WRN: variants seen among roughly 807,000 people sequenced by gnomAD.
The protein encoded by WRN is WRN RecQ like helicase.
Under a neutral mutation model 180.7 loss-of-function variants are expected in WRN, and 149 were observed. The ratio of observed to expected loss-of-function variants is 0.82; its 90% CI spans 0.72 to 0.94. WRN has a LOEUF of 0.94. WRN is among the 40% of genes least tolerant of loss of function. The probability of loss-of-function intolerance (pLI) is 0.00; values close to 1 mark genes in which losing one functional copy is unlikely to be tolerated. For synonymous variants in WRN, 548 were observed against 568.9 expected (o/e 0.96, Z 0.52); for missense variants, 1,661 against 1,700.1 (o/e 0.98, Z 0.40).
intron 24 of WRN, among the ~76,000 whole-genome samples, chr8:31,136,194 T>C (rs1360145346): frequency 6.6e-6 from 1 of 152,172 alleles, no homozygotes; most frequent in African/African-American, 2.4e-5. Flanking sequence ...GGTCTCCCTA[T>C]GTTTCCCAGG....
At chr8:31,063,107 G>A (rs1033743286) in intron 3 of WRN, among the ~76,000 whole-genome samples, 8 of 151,988 alleles carry the variant, frequency 5.3e-5, no homozygotes, top group Non-Finnish European at 1.0e-4. Flanking sequence ...TAAAGCACTG[G>A]GATTACAGGT....
intron 31 of WRN, among the ~76,000 whole-genome samples, chr8:31,151,817 C>G (rs1170613989): frequency 6.6e-6 from 1 of 151,502 alleles, no homozygotes; most frequent in Non-Finnish European, 1.5e-5. Flanking sequence ...GGTTATTCTG[C>G]AAATTGAAAT....
At chr8:31,075,012 A>G (rs1047850194) in intron 7 of WRN, among the ~76,000 whole-genome samples, 1 of 152,158 alleles carries the variant, frequency 6.6e-6, no homozygotes, top group African/African-American at 2.4e-5. Context: ...GGTCAACGGT[A>G]TGACTATGGA....
chr8:31,087,929 T>C lies in WRN; in HGVS notation c.1576+9T>C, dbSNP rs1372160544. The stretch of plus-strand genomic sequence containing the variant: ...AGAAGATGATGATAAGGGTAAGCAC[T>C]GAAGTATGTTTGAAATGACTCACCT... On this transcript the variant is annotated intron_variant, in intron 12 of 34. Transcript: ENST00000298139. 1 of 1,611,726 alleles carries C rather than the reference T, an allele frequency of 6.2e-7. No homozygotes were observed. The highest frequency in any genetic ancestry group is 8.5e-7 in the Non-Finnish European group (1 of 1,178,720).
At chr8:31,146,058 A>C (rs1802845876) in intron 28 of WRN, among the ~76,000 whole-genome samples, 1 of 151,800 alleles carries the variant, frequency 6.6e-6, no homozygotes, top group South Asian at 2.1e-4. Context: ...ACCAGCCCAC[A>C]CTCTTCCCAA....
At chr8:31,089,731 A>C (rs1813669413) in intron 13 of WRN, among the ~76,000 whole-genome samples, 1 of 151,954 alleles carries the variant, frequency 6.6e-6, no homozygotes, top group African/African-American at 2.4e-5. Context: ...ATGATATTTT[A>C]TTAAGAAAAT....
At position 31,141,609 on chromosome 8, in the gene WRN, T is replaced by A. The variant is rs1334966654; in HGVS notation, c.3138+9T>A. On this transcript the variant is annotated intron_variant, in intron 25 of 34. Transcript: ENST00000298139. ...GCGCCCTTACGAAAAAGGTAAACGG[T>A]GTAGGAGTCTGCCTGTTTGACTTAA... The A allele has an allele frequency of 6.2e-7, 1 of 1,614,034 alleles. No individual in the cohort carries two copies. The highest frequency in any genetic ancestry group is 8.5e-7 in the Non-Finnish European group (1 of 1,179,982).
chr8:31,140,185 C>G (rs555516883), intron 24 of WRN, among the ~76,000 whole-genome samples: 4 of 151,652 alleles, frequency 2.6e-5, no homozygotes, highest in East Asian at 1.9e-4. Flanking sequence ...CACCACCACA[C>G]TTTGCTAATT....
chr8:31,110,798 C>T (rs1239340722), intron 18 of WRN, among the ~76,000 whole-genome samples: 1 of 152,112 alleles, frequency 6.6e-6, no homozygotes, highest in African/African-American at 2.4e-5. Flanking sequence ...TTAGAAACAA[C>T]TGTAAGACAG....
chr8:31,064,482 G>A, intron 4 of WRN, 48 bp downstream of exon 4: 1 of 1,612,104 alleles, frequency 6.2e-7, no homozygotes, highest in Non-Finnish European at 8.5e-7. Context: ...ATTGTAATAT[G>A]TCAACTTTAT....
chr8:31,099,880 C>T (rs1814152908), intron 17 of WRN, among the ~76,000 whole-genome samples: 1 of 152,088 alleles, frequency 6.6e-6, no homozygotes, highest in Admixed American at 6.5e-5. Flanking sequence ...TTATTATCCA[C>T]ATTTTACTTG....
intron 21 of WRN, among the ~76,000 whole-genome samples, chr8:31,123,271 A>G (rs1585487610): frequency 2.6e-5 from 4 of 152,118 alleles, no homozygotes; most frequent in Admixed American, 2.6e-4. Flanking sequence ...AATGACCCCA[A>G]AGCACAAGAG....
At position 31,085,160 on chromosome 8, in the gene WRN, T is replaced by A. The variant is rs1813480021; in HGVS notation, c.1351-6T>A. The stretch of plus-strand genomic sequence containing the variant: ...GGAAATTAATGCTTAATACTTTTTT[T>A]TAAAGCATTTATCTCCCAATGATAA... On this transcript the variant is annotated splice_region_variant and splice_polypyrimidine_tract_variant and intron_variant, in intron 10 of 34. Coordinates refer to ENST00000298139, the MANE Select transcript of WRN (RefSeq NM_000553.6). 1.2e-6 allele frequency: 2 copies of A among 1,612,530 alleles called. No individual in the cohort carries two copies. The highest frequency in any genetic ancestry group is 2.2e-5 in the East Asian group (1 of 44,656).
At position 31,064,355 on chromosome 8, in the gene WRN, G is replaced by A. The variant is rs754221635; in HGVS notation, c.276G>A (p.Gly92=). ...AGTGGCCACCATTATACAATAGAGGGAAACTTGGCAAAGTTGCACTAATTC... is the reference window on the plus strand; with the variant it reads ...AGTGGCCACCATTATACAATAGAGGAAAACTTGGCAAAGTTGCACTAATTC... ...DMEWPPLYNR[G]KLGKVALIQL... Residue 92 remains glycine (G), a synonymous_variant, in exon 4 of 35, where the codon GGG becomes GGA. Transcript: ENST00000298139. 8.1e-6 allele frequency: 13 copies of A among 1,614,104 alleles called. No individual in the cohort carries two copies. The South Asian group carries it at 1.4e-4, about 18-fold the overall frequency.
At chr8:31,063,787 G>A (rs1459761889) in intron 3 of WRN, among the ~76,000 whole-genome samples, 4 of 152,082 alleles carry the variant, frequency 2.6e-5, no homozygotes, top group East Asian at 1.9e-4. Context: ...GCAGTGATGC[G>A]ATCATAGCTC....
At chr8:31,123,995 A>G (rs1013307460) in intron 21 of WRN, among the ~76,000 whole-genome samples, 14 of 152,176 alleles carry the variant, frequency 9.2e-5, no homozygotes, top group Admixed American at 6.6e-4. Flanking sequence ...GTGTCCCATA[A>G]TAACCCATAA....
At chr8:31,120,087 C>T in intron 20 of WRN, 156 bp from the exon 21 acceptor site, 2 of 815,596 alleles carry the variant, frequency 2.5e-6, no homozygotes, top group South Asian at 1.5e-5. Flanking sequence ...GTAAATCAGG[C>T]AGATAATCTG....
At chr8:31,120,216 T>A in intron 20 of WRN, 27 bp from the exon 21 acceptor site, 1 of 1,611,866 alleles carries the variant, frequency 6.2e-7, no homozygotes, top group Non-Finnish European at 8.5e-7. Context: ...AATATGTTTG[T>A]CAAACTGTGT....
intron 3 of WRN, among the ~76,000 whole-genome samples, chr8:31,060,069 C>G (rs1812432314): frequency 6.6e-6 from 1 of 150,466 alleles, no homozygotes; most frequent in East Asian, 2.0e-4. Flanking sequence ...AAAAAAAAAT[C>G]CAAAAAAACA....
Sources: allele counts gnomAD v4.1 joint callset (sites outside exome capture counted in the v4.1 genomes callset), GRCh38; gene constraint gnomAD v4.1.1; transcripts MANE v1.5; gene names NCBI Gene and HGNC (gene_info 2026-07-23, HGNC 2026-07-21).